Variants in RB1 observed in about 807,000 individuals in gnomAD.
RB1 encodes RB transcriptional corepressor 1.
RB1 carries 18 observed loss-of-function variants against 135.4 expected under a neutral mutation model. That is an observed-to-expected ratio of 0.13 (90% CI 0.09 to 0.20). RB1 has a LOEUF of 0.20. Ranked by LOEUF, RB1 falls within the 10% of genes least tolerant of loss-of-function variation. The probability of loss-of-function intolerance (pLI) is 1.00; values close to 1 mark genes in which losing one functional copy is unlikely to be tolerated. For missense variants in RB1, 868 were observed against 1,110.0 expected (o/e 0.78, Z 3.10); for synonymous variants, 365 against 373.2 (o/e 0.98, Z 0.25).
intron 2 of RB1, among the ~76,000 whole-genome samples, chr13:48,335,733 G>A (rs1002812766): frequency 6.6e-6 from 1 of 151,816 alleles, no homozygotes; most frequent in Non-Finnish European, 1.5e-5. Flanking sequence ...TTTTTAAAGT[G>A]CTATCCTGAG....
chr13:48,320,535 T>C (rs1952225783), intron 2 of RB1: 3 of 528,560 alleles, frequency 5.7e-6, no homozygotes, highest in Non-Finnish European at 1.0e-5. Context: ...CAGCTTCATA[T>C]ACTCAAAAGG....
At chr13:48,317,566 G>C in intron 2 of RB1, 1 of 430,344 alleles carries the variant, frequency 2.3e-6, no homozygotes, top group Non-Finnish European at 4.2e-6. Context: ...CTGAATAAAA[G>C]CACTTCTGGC....
At chr13:48,405,514 C>G (rs779923581) in intron 17 of RB1, among the ~76,000 whole-genome samples, 2 of 152,176 alleles carry the variant, frequency 1.3e-5, no homozygotes, top group Non-Finnish European at 2.9e-5. Flanking sequence ...ATGGCATGCA[C>G]AGCCCACAGA....
At chr13:48,408,285 A>G (rs1333232312) in intron 17 of RB1, among the ~76,000 whole-genome samples, 4 of 151,886 alleles carry the variant, frequency 2.6e-5, no homozygotes, top group Admixed American at 2.0e-4. Context: ...ATATATTTTT[A>G]TGCTTTTTAA....
At chr13:48,394,989 C>T (rs774951092) in intron 17 of RB1, among the ~76,000 whole-genome samples, 13 of 152,206 alleles carry the variant, frequency 8.5e-5, no homozygotes, top group Non-Finnish European at 1.3e-4. Flanking sequence ...ACACCTCATA[C>T]AGGAGAGTTC....
intron 2 of RB1, among the ~76,000 whole-genome samples, chr13:48,324,831 A>T (rs1566180836): frequency 1.3e-5 from 2 of 149,538 alleles, no homozygotes; most frequent in African/African-American, 2.5e-5. Context: ...TGCCACAAGC[A>T]GTTGTGCTTT....
At chr13:48,381,521 A>AAT in intron 17 of RB1, 78 bp downstream of exon 17, 1 of 1,280,088 alleles carries the variant, frequency 7.8e-7, no homozygotes, top group Non-Finnish European at 1.1e-6. Flanking sequence ...GGTGTTTCTT[A>AAT]ACATCTACCT....
intron 22 of RB1, 47 bp downstream of exon 22, chr13:48,465,158 C>G (rs1414964943): frequency 3.1e-6 from 5 of 1,611,782 alleles, no homozygotes; most frequent in Non-Finnish European, 4.2e-6. Context: ...TGTAATGGGT[C>G]CACCAAAACA....
rs367788266 is a variant in RB1, at chr13:48,411,540, G to C, written c.1695+30097G>C. 14 of 1,613,416 alleles carry C rather than the reference G, an allele frequency of 8.7e-6. No individual in the cohort carries two copies. Among genetic ancestry groups the C allele is most frequent in the African/African-American group, 1.3e-5 (1 of 74,878 alleles). The stretch of plus-strand genomic sequence containing the variant: ...TTTTATTGAATTCTGAATTGTGTCC[G>C]ATGTAAAGTAGTAAACTATAGGGTC... On this transcript the variant is annotated intron_variant, in intron 17 of 26. Transcript: ENST00000267163.
chr13:48,473,907 A>T (rs1365675760), intron 24 of RB1, among the ~76,000 whole-genome samples: 1 of 152,180 alleles, frequency 6.6e-6, no homozygotes, highest in Admixed American at 6.5e-5. Flanking sequence ...TGACTTGAAT[A>T]CGAAGTTGGG....
intron 17 of RB1, among the ~76,000 whole-genome samples, chr13:48,387,552 G>A (rs1229787922): frequency 6.6e-6 from 1 of 152,050 alleles, no homozygotes; most frequent in African/African-American, 2.4e-5. Context: ...AGGACTAGGT[G>A]TTTTGAGGAT....
intron 18 of RB1, 117 bp downstream of exon 18, chr13:48,453,228 T>A: frequency 9.2e-7 from 1 of 1,081,788 alleles, no homozygotes; most frequent in Non-Finnish European, 1.4e-6. Context: ...AAGAATAGTT[T>A]CTGTTTTTAA....
Position 48,307,180 on chromosome 13 carries a change from T to C in RB1, c.138-100T>C, listed in dbSNP as rs553493190. On this transcript the variant is annotated intron_variant, in intron 1 of 26. Transcript: ENST00000267163. ...TCTTAAAGTATTTAATAATGTTCTT[T>C]TTCACAGTAGTGTTATGTGCAAACT... 5.5e-6 allele frequency: 5 copies of C among 912,890 alleles called. No individual in the cohort carries two copies. The South Asian group carries it at 7.6e-5, about 14-fold the overall frequency. 56.5% of individuals were successfully genotyped at this position (912,890 alleles called of 1,614,324 possible). A position where few individuals can be genotyped will look rare whatever the true frequency, so the allele number is the denominator to read the frequency against.
chr13:48,306,860 T>C (rs1259974520), intron 1 of RB1, among the ~76,000 whole-genome samples: 4 of 152,212 alleles, frequency 2.6e-5, no homozygotes, highest in African/African-American at 4.8e-5. Flanking sequence ...TAGAGAGATA[T>C]ATGAAACATT....
intron 9 of RB1, among the ~76,000 whole-genome samples, chr13:48,367,117 T>TC (rs1216570854): frequency 9.6e-5 from 1 of 10,390 alleles, no homozygotes; most frequent in Non-Finnish European, 3.0e-4. Flanking sequence ...AAACTCCATC[T>TC]CAAAAAAAAA....
intron 17 of RB1, among the ~76,000 whole-genome samples, chr13:48,442,733 A>G (rs1376844953): frequency 6.6e-6 from 1 of 152,232 alleles, no homozygotes; most frequent in African/African-American, 2.4e-5. Flanking sequence ...GAGCTGGTAT[A>G]TCAGACATCC....
chr13:48,446,868 T>G (rs1186059850), intron 17 of RB1, among the ~76,000 whole-genome samples: 2 of 152,200 alleles, frequency 1.3e-5, no homozygotes, highest in East Asian at 3.8e-4. Flanking sequence ...GCATTTGAAT[T>G]TATTCTACGT....
chr13:48,392,716 A>G (rs1489403000), intron 17 of RB1, among the ~76,000 whole-genome samples: 2 of 150,536 alleles, frequency 1.3e-5, no homozygotes, highest in African/African-American at 4.9e-5. Flanking sequence ...TCTAGTACCT[A>G]TGTCTTTTTA....
At chr13:48,390,210 T>C (rs1442932753) in intron 17 of RB1, among the ~76,000 whole-genome samples, 1 of 152,158 alleles carries the variant, frequency 6.6e-6, no homozygotes, top group African/African-American at 2.4e-5. Flanking sequence ...GGATATTTCA[T>C]TAAATAATTC....
Sources: allele counts gnomAD v4.1 joint callset (sites outside exome capture counted in the v4.1 genomes callset), GRCh38; gene constraint gnomAD v4.1.1; transcripts MANE v1.5; gene names NCBI Gene and HGNC (gene_info 2026-07-23, HGNC 2026-07-21).